Variants in ANKS6 observed in about 807,000 individuals in gnomAD.
ANKS6 encodes the protein ankyrin repeat and SAM domain-containing protein 6.
ANKS6 carries 47 observed loss-of-function variants against 77.9 expected under a neutral mutation model. That is an observed-to-expected ratio of 0.60 (90% confidence interval 0.48 to 0.77). The LOEUF (loss-of-function observed/expected upper bound fraction) is 0.77. Ranked by LOEUF, ANKS6 falls within the 30% of genes least tolerant of loss-of-function variation. The probability of loss-of-function intolerance (pLI) is 0.00; values close to 1 mark genes in which losing one functional copy is unlikely to be tolerated. For missense variants in ANKS6, 1,150 were observed against 1,159.1 expected, an observed-to-expected ratio of 0.99 and a Z score of 0.11; for synonymous variants, 488 against 501.7, an observed-to-expected ratio of 0.97 and a Z score of 0.37.
In ANKS6 at chr9:98,733,111, T is replaced by C. The variant is rs1358082118; in HGVS notation, c.*3408A>G. Reference sequence around the variant, plus strand: ...TCCTCTAAGATACTGTGGGGTTCCCTTGAGGGCAGAGAAGTCCTTTTTCAT... The same window carrying C: ...TCCTCTAAGATACTGTGGGGTTCCCCTGAGGGCAGAGAAGTCCTTTTTCAT... On this transcript the variant is annotated 3_prime_UTR_variant, in exon 15 of 15. Transcript: ENST00000353234. 3 of 904,862 alleles carry C rather than the reference T, an allele frequency of 3.3e-6. No homozygotes were observed. Among genetic ancestry groups the C allele is most frequent in the Middle Eastern group, 5.6e-4 (1 of 1,782 alleles). 56.1% of individuals were successfully genotyped at this position (904,862 alleles called of 1,614,324 possible).
chr9:98,736,196 C>A lies in ANKS6; in HGVS notation c.*323G>T. The A allele has an allele frequency of 8.5e-7, 1 of 1,181,496 alleles. No homozygotes were observed. Among genetic ancestry groups the A allele is most frequent in the East Asian group, 4.0e-5 (1 of 24,802 alleles). The allele number at this position is 1,181,496 out of a possible 1,614,324, so 73.2% of individuals were successfully genotyped here. A position where few individuals can be genotyped will look rare whatever the true frequency, so the allele number is the denominator to read the frequency against. On this transcript the variant is annotated 3_prime_UTR_variant, in exon 15 of 15. Transcript: ENST00000353234. ...CTCCATCGTCCCTTTCCCTTGCCGCCAGCCAGAAGCAAACTCTGAGGCTCC... is the reference window on the plus strand; with the variant it reads ...CTCCATCGTCCCTTTCCCTTGCCGCAAGCCAGAAGCAAACTCTGAGGCTCC...
rs1164148333 is a variant in ANKS6, at chr9:98,734,431, A to C, written c.*2088T>G. ...TATGAAAAAAACAGGACCACAGCAA[A>C]AAGCAGGCACAAAACCTCAAAGCAC... On this transcript the variant is annotated 3_prime_UTR_variant, in exon 15 of 15. Transcript: ENST00000353234. The C allele has an allele frequency of 1.0e-6, 1 of 985,480 alleles. No individual in the cohort carries two copies. The highest frequency in any genetic ancestry group is 1.2e-6 in the Non-Finnish European group (1 of 829,978). 61.0% of individuals were successfully genotyped at this position (985,480 alleles called of 1,614,324 possible). A position where few individuals can be genotyped will look rare whatever the true frequency, so the allele number is the denominator to read the frequency against.
chr9:98,764,720 T>C (rs1241907183), intron 11 of ANKS6, among the ~76,000 whole-genome samples: 1 of 152,204 alleles, frequency 6.6e-6, no homozygotes, highest in East Asian at 1.9e-4. Context: ...ATTGGGTTCT[T>C]TCTTATAGTT....
intron 5 of ANKS6, among the ~76,000 whole-genome samples, chr9:98,781,177 G>A (rs1271759718): frequency 6.6e-6 from 1 of 152,196 alleles, no homozygotes; most frequent in African/African-American, 2.4e-5. Context: ...TGGGATTATG[G>A]GCGTGAGCCA....
Position 98,742,884 on chromosome 9 carries a change from A to G in ANKS6, c.2511+2675T>C, listed in dbSNP as rs150046996. On this transcript the variant is annotated intron_variant, in intron 14 of 14. Transcript: ENST00000353234. ...GATGAATTTGAGAGGCAACTGAAAAAAGGCTCTAGTTTATATAAACTTTAA... is the reference window on the plus strand; with the variant it reads ...GATGAATTTGAGAGGCAACTGAAAAGAGGCTCTAGTTTATATAAACTTTAA... Among the ~76,000 whole-genome samples the G allele has an allele frequency of 9.7e-4, 148 of 152,300 alleles. 1 individual carries two copies. Among genetic ancestry groups the G allele is most frequent in the Non-Finnish European group, 8.4e-4 (57 of 68,020 alleles).
Position 98,732,147 on chromosome 9 carries a change from C to A in ANKS6, c.*4372G>T. On this transcript the variant is annotated 3_prime_UTR_variant, in exon 15 of 15. Transcript: ENST00000353234. ...AGCGACAGGATGGTGCTTCACAGTGCCTCCTGCTGATGGCACCTTCATTCT... is the reference window on the plus strand; with the variant it reads ...AGCGACAGGATGGTGCTTCACAGTGACTCCTGCTGATGGCACCTTCATTCT... 1 of 313,160 alleles carries A rather than the reference C, an allele frequency of 3.2e-6. No individual in the cohort carries two copies. The highest frequency in any genetic ancestry group is 4.6e-5 in the South Asian group (1 of 21,758). 19.4% of individuals were successfully genotyped at this position (313,160 alleles called of 1,614,324 possible).
chr9:98,768,519 G>A lies in ANKS6; in HGVS notation c.1973-269C>T, dbSNP rs116446288. On this transcript the variant is annotated intron_variant, in intron 10 of 14. Coordinates refer to ENST00000353234, the MANE Select transcript of ANKS6 (RefSeq NM_173551.5). ...AACCCAGTCCATCCTCGCTTTCCCC[G>A]TGCCACAGCCAGCTTGTGCCGGCCC... Among the ~76,000 whole-genome samples the A allele has an allele frequency of 7.0e-3, 1,064 of 152,232 alleles. 11 individuals are homozygous for A. Among genetic ancestry groups the A allele is most frequent in the African/African-American group, 0.024 (992 of 41,548 alleles).
intron 14 of ANKS6, among the ~76,000 whole-genome samples, chr9:98,742,858 A>G (rs1831915527): frequency 6.6e-6 from 1 of 150,968 alleles, no homozygotes; most frequent in African/African-American, 2.4e-5. Flanking sequence ...GGGGAGGGGG[A>G]GATGAATTTG....
At chr9:98,740,251 CGA>C (rs1400922284) in intron 14 of ANKS6, among the ~76,000 whole-genome samples, 4 of 152,038 alleles carry the variant, frequency 2.6e-5, no homozygotes, top group Non-Finnish European at 4.4e-5. Flanking sequence ...CTCCTAGACT[CGA>C]GAGGACAGTA....
intron 2 of ANKS6, chr9:98,789,850 G>A: frequency 2.2e-6 from 1 of 452,678 alleles, no homozygotes. Flanking sequence ...ATGTGCTTGG[G>A]GAGAGCAGCC....
In ANKS6 at chr9:98,768,222, T is replaced by A. The variant is rs766401233; in HGVS notation, c.2001A>T (p.Gln667His). The change falls in exon 11 of 15, where the codon CAA becomes CAT. Residue 667 changes from glutamine to histidine, a missense_variant. Gln to His is a conservative substitution (Grantham distance 24). Coordinates refer to ENST00000353234, the MANE Select transcript of ANKS6 (RefSeq NM_173551.5). ...SGGSIDNVLS[Q>H]IAAQRKKAAG... ...CTGCTTTTTTCCTCTGGGCAGCGAT[T>A]TGGGACAAGACATTGTCTATGCTGC... is the stretch of plus-strand genomic sequence containing the variant. The A allele has an allele frequency of 1.2e-6, 2 of 1,614,140 alleles. No homozygotes were observed. Among genetic ancestry groups the A allele is most frequent in the East Asian group, 2.2e-5 (1 of 44,876 alleles).
At chr9:98,793,894 G>A (rs1441889885) in intron 1 of ANKS6, among the ~76,000 whole-genome samples, 1 of 148,240 alleles carries the variant, frequency 6.7e-6, no homozygotes, top group Non-Finnish European at 1.5e-5. Flanking sequence ...GCTCACGCCT[G>A]TAATCGCAGC....
At chr9:98,780,378 T>A (rs373897571) in intron 5 of ANKS6, 41 bp from the exon 6 acceptor site, 2 of 1,538,766 alleles carry the variant, frequency 1.3e-6, no homozygotes, top group Non-Finnish European at 1.8e-6. Flanking sequence ...CAAATATGTC[T>A]GTTGGGCCAT....
intron 10 of ANKS6, among the ~76,000 whole-genome samples, chr9:98,769,508 A>C (rs1833508257): frequency 6.6e-6 from 1 of 152,256 alleles, no homozygotes; most frequent in Non-Finnish European, 1.5e-5. Flanking sequence ...TGCCTCATAC[A>C]AATGGAATAC....
At chr9:98,785,244 A>AT (rs552789355) in intron 2 of ANKS6, among the ~76,000 whole-genome samples, 1 of 152,128 alleles carries the variant, frequency 6.6e-6, no homozygotes, top group East Asian at 1.9e-4. Context: ...TTGTTTAAAA[A>AT]TTTTTTTTCT....
rs920751358 is a variant in ANKS6, at chr9:98,780,387, A to T, written c.1220-50T>A. 5 of 1,525,384 alleles carry T rather than the reference A, an allele frequency of 3.3e-6. No individual in the cohort carries two copies. In the Admixed American group the frequency reaches 1.0e-4, roughly 31 times the overall value. 94.5% of individuals were successfully genotyped at this position (1,525,384 alleles called of 1,614,324 possible). On this transcript the variant is annotated intron_variant, in intron 5 of 14. Transcript: ENST00000353234. Reference sequence around the variant, plus strand: ...TACCTGCAAATATGTCTGTTGGGCCATAAGGAGAAGACTCAAGATGACCCC... The same window carrying T: ...TACCTGCAAATATGTCTGTTGGGCCTTAAGGAGAAGACTCAAGATGACCCC...
intron 9 of ANKS6, 26 bp downstream of exon 9, chr9:98,773,851 T>C: frequency 1.3e-6 from 2 of 1,504,508 alleles, no homozygotes; most frequent in Non-Finnish European, 1.8e-6. Context: ...GAGTGATGTG[T>C]AAAAGTGTGT....
intron 1 of ANKS6, among the ~76,000 whole-genome samples, chr9:98,792,638 C>A (rs1395632719): frequency 6.6e-6 from 1 of 152,130 alleles, no homozygotes; most frequent in Non-Finnish European, 1.5e-5. Context: ...TAAAATCTAG[C>A]ATAATCCCTA....
chr9:98,755,911 CA>C (rs1335549962), intron 12 of ANKS6, among the ~76,000 whole-genome samples: 5 of 152,118 alleles, frequency 3.3e-5, no homozygotes, highest in Non-Finnish European at 5.9e-5. Context: ...GGTGGGAAGA[CA>C]AAAGTATGCC....
Sources: allele counts gnomAD v4.1 joint callset (sites outside exome capture counted in the v4.1 genomes callset), GRCh38; gene constraint gnomAD v4.1.1; transcripts MANE v1.5; gene names NCBI Gene and HGNC (gene_info 2026-07-23, HGNC 2026-07-21).